The following NPRL3 variants were observed in gnomAD, a reference collection of about 807,000 sequenced individuals.
NPRL3 encodes GATOR1 complex protein NPRL3.
Under a neutral mutation model 57.2 loss-of-function variants are expected in NPRL3, and 23 were observed. The observed-to-expected ratio is 0.40, with a 90% CI of 0.29 to 0.57. The LOEUF is 0.57. Ranked by LOEUF, NPRL3 falls within the 20% of genes least tolerant of loss-of-function variation. The pLI, the probability that NPRL3 is intolerant of heterozygous loss-of-function variation, is 0.42. For synonymous variants in NPRL3, 333 were observed against 321.1 expected (o/e 1.04, Z -0.39); for missense variants, 691 against 767.1 (o/e 0.90, Z 1.17).
intron 2 of NPRL3, among the ~76,000 whole-genome samples, chr16:135,365 C>A (rs1196538082): frequency 7.9e-5 from 12 of 152,116 alleles, no homozygotes; most frequent in Non-Finnish European, 1.0e-4. Flanking sequence ...ACAAGACATA[C>A]TTTGGGATGC....
intron 2 of NPRL3, among the ~76,000 whole-genome samples, chr16:136,346 CAG>C (rs992388951): frequency 5.3e-5 from 8 of 152,198 alleles, no homozygotes; most frequent in South Asian, 4.1e-4. Flanking sequence ...AAAACGAAAA[CAG>C]GGGCAGAACA....
intron 2 of NPRL3, among the ~76,000 whole-genome samples, chr16:132,636 C>T (rs183325277): frequency 1.3e-5 from 2 of 150,600 alleles, no homozygotes; most frequent in Non-Finnish European, 3.0e-5. Flanking sequence ...GAATCACTAT[C>T]TATGGCAGCT....
rs1364355242 is a variant in NPRL3 at position 126,279 on chromosome 16, G to A, written c.188+4243C>T. Reference sequence around the variant, plus strand: ...TAAAAAAAAAAAAAAAATTAGGCCGGGTGCAGTGGTTCACGCCTGTAATCC... The same window carrying A: ...TAAAAAAAAAAAAAAAATTAGGCCGAGTGCAGTGGTTCACGCCTGTAATCC... On this transcript the variant is annotated intron_variant, in intron 3 of 13. Transcript: ENST00000611875. 2.0e-5 allele frequency: 3 copies of A among 151,582 alleles called. No homozygotes were observed. The East Asian group carries it at 5.8e-4, about 29-fold the overall frequency. The allele number at this position is 151,582 out of a possible 1,614,324, so 9.4% of individuals were successfully genotyped here. A position where few individuals can be genotyped will look rare whatever the true frequency, so the allele number is the denominator to read the frequency against.
intron 9 of NPRL3, among the ~76,000 whole-genome samples, chr16:94,806 C>A (rs1167744477): frequency 1.3e-5 from 2 of 152,154 alleles, no homozygotes; most frequent in Non-Finnish European, 2.9e-5. Flanking sequence ...TCGCATGTCT[C>A]TCTCAAAAAG....
At position 112,678 on chromosome 16, in the gene NPRL3, G is replaced by C. The variant is rs1899868336; in HGVS notation, c.491C>G (p.Thr164Ser). 1.9e-6 allele frequency: 3 copies of C among 1,609,402 alleles called. No homozygotes were observed. Among genetic ancestry groups the C allele is most frequent in the Admixed American group, 1.7e-5 (1 of 59,548 alleles). Residue 164 changes from threonine to serine, a missense_variant, in exon 6 of 14, where the codon ACC (threonine) becomes AGC (serine). Coordinates refer to ENST00000611875, the MANE Select transcript of NPRL3 (RefSeq NM_001077350.3). ...QHEERRCQYLTREAKLILALQ... is the reference protein window; with the variant it reads ...QHEERRCQYLSREAKLILALQ... Reference sequence around the variant, plus strand: ...CGCCAGGATCAGCTTGGCCTCCCGGGTGAGGTACTGGCAGCGGCGCTCCTC... The same window carrying C: ...CGCCAGGATCAGCTTGGCCTCCCGGCTGAGGTACTGGCAGCGGCGCTCCTC...
rs769972933 is a variant in NPRL3, at chr16:85,771, G to A, written c.*934C>T. 11 of 1,497,934 alleles carry A rather than the reference G, an allele frequency of 7.3e-6. No individual in the cohort carries two copies. In the Admixed American group the frequency reaches 2.6e-4, roughly 35 times the overall value. The allele number at this position is 1,497,934 out of a possible 1,614,324, so 92.8% of individuals were successfully genotyped here. A position where few individuals can be genotyped will look rare whatever the true frequency, so the allele number is the denominator to read the frequency against. ...ACAGAGTGGCTGAGCAGGACACACA[G>A]GCCTGAGCAAAGGGCCTGCCCAGAC... On this transcript the variant is annotated 3_prime_UTR_variant, in exon 14 of 14. Transcript: ENST00000611875.
intron 13 of NPRL3, 51 bp downstream of exon 13, chr16:88,647 T>A (rs1282322980): frequency 3.9e-6 from 6 of 1,522,712 alleles, no homozygotes; most frequent in Middle Eastern, 1.8e-4. Context: ...ATCCACTTTC[T>A]GCCCTGACCC....
At chr16:134,209 G>A (rs1173582684) in intron 2 of NPRL3, among the ~76,000 whole-genome samples, 2 of 151,934 alleles carry the variant, frequency 1.3e-5, no homozygotes, top group East Asian at 3.9e-4. Context: ...ATAAAGTGAG[G>A]TAGGCCCCTA....
Position 89,860 on chromosome 16 carries a change from G to A in NPRL3, c.1204C>T (p.Leu402Phe), listed in dbSNP as rs899497821. 5.1e-6 allele frequency: 8 copies of A among 1,564,158 alleles called. No individual in the cohort carries two copies. The African/African-American group carries it at 5.4e-5, about 11-fold the overall frequency. ...ACATAGGTGTGCAGCTGGATGAGAA[G>A]CCGGCGCTGCAGCATCCACACCACC... is the stretch of plus-strand genomic sequence containing the variant. ...QMVVWMLQRRLLIQLHTYVCL... is the reference protein window; with the variant it reads ...QMVVWMLQRRFLIQLHTYVCL... Residue 402 changes from leucine (L) to phenylalanine (F), a missense_variant, in exon 12 of 14, where the codon CTT becomes TTT. Physicochemically the swap from Leu to Phe is conservative, Grantham distance 22. Transcript: ENST00000611875.
At chr16:119,325 C>T (rs1900187936) in intron 3 of NPRL3, 70 bp from the exon 4 acceptor site, 2 of 1,489,246 alleles carry the variant, frequency 1.3e-6, no homozygotes, top group East Asian at 2.4e-5. Flanking sequence ...CTGCTGGCCC[C>T]AGAGCGGAAG....
intron 8 of NPRL3, among the ~76,000 whole-genome samples, chr16:98,830 C>T (rs7187992): frequency 0.064 from 9,712 of 152,216 alleles, 1,043 homozygotes; most frequent in African/African-American, 0.22. Flanking sequence ...CCCAGCTACT[C>T]GGCAGGCTGA....
At chr16:94,521 G>A (rs1898903175) in intron 9 of NPRL3, among the ~76,000 whole-genome samples, 1 of 152,228 alleles carries the variant, frequency 6.6e-6, no homozygotes, top group African/African-American at 2.4e-5. Context: ...GGGCAAGGCA[G>A]GAGGATCGCC....
chr16:93,573 T>G (rs1479997016), intron 9 of NPRL3, among the ~76,000 whole-genome samples: 2 of 151,676 alleles, frequency 1.3e-5, no homozygotes, highest in Admixed American at 6.6e-5. Context: ...GGTTTTTTTT[T>G]TTTTTTTTTT....
intron 7 of NPRL3, among the ~76,000 whole-genome samples, chr16:110,079 G>A (rs1485978947): frequency 6.6e-6 from 1 of 152,144 alleles, no homozygotes; most frequent in African/African-American, 2.4e-5. Flanking sequence ...AGACCACCCT[G>A]ACCAACATGC....
At chr16:100,610 AG>A in intron 7 of NPRL3, 101 bp from the exon 8 acceptor site, 1 of 1,201,952 alleles carries the variant, frequency 8.3e-7, no homozygotes, top group Non-Finnish European at 1.1e-6. Flanking sequence ...CCTGCTGCTT[AG>A]GGGAAACTGC....
chr16:127,994 C>CTT (rs112188139), intron 3 of NPRL3, among the ~76,000 whole-genome samples: 3 of 133,336 alleles, frequency 2.2e-5, no homozygotes, highest in Non-Finnish European at 4.8e-5. Context: ...CCATCTTCTT[C>CTT]TTTTTTTTTT....
chr16:120,771 A>G (rs149841852), intron 3 of NPRL3, among the ~76,000 whole-genome samples: 75 of 152,274 alleles, frequency 4.9e-4, no homozygotes, highest in African/African-American at 1.6e-3. Flanking sequence ...TCCTGCAGAG[A>G]TGGAGGATTC....
In NPRL3 at chr16:86,813, G is replaced by A. The variant is rs1204211568; in HGVS notation, c.1602C>T (p.Asn534=). 6.2e-7 allele frequency: 1 copy of A among 1,613,182 alleles called. No homozygotes were observed. The highest frequency in any genetic ancestry group is 1.1e-5 in the South Asian group (1 of 90,858). The change falls in exon 14 of 14, where the codon AAC becomes AAT. Residue 534 remains asparagine, a synonymous_variant. Coordinates refer to ENST00000611875, the MANE Select transcript of NPRL3 (RefSeq NM_001077350.3). ...HHLEEIMYNE[N]TRRSQLLMLF... ...GCATGAGCAGCTGGGAGCGCCGCGT[G>A]TTCTCGTTGTACATAATCTCCTCCA...
chr16:100,760 C>T (rs544157798), intron 7 of NPRL3, among the ~76,000 whole-genome samples: 1 of 93,862 alleles, frequency 1.1e-5, no homozygotes, highest in Non-Finnish European at 2.1e-5. Flanking sequence ...ACGAGGTCAG[C>T]AGTTCGAGAC....
Sources: gnomAD v4.1 joint callset for allele counts (sites outside exome capture counted in the v4.1 genomes callset) on GRCh38, gnomAD v4.1.1 for gene constraint, MANE v1.5 for transcripts, NCBI Gene and HGNC (gene_info 2026-07-23, HGNC 2026-07-21) for gene names.